Variants in SLC16A7 observed in about 807,000 individuals in gnomAD.
SLC16A7 encodes monocarboxylate transporter 2.
A neutral mutation model predicts 34.9 loss-of-function variants in SLC16A7; 33 were observed. The ratio of observed to expected loss-of-function variants is 0.94; its 90% confidence interval spans 0.72 to 1.26. SLC16A7 has a LOEUF of 1.26. SLC16A7 is among the 50% of genes most tolerant of loss of function. SLC16A7 has a pLI of 0.00. For synonymous variants in SLC16A7, 201 were observed against 206.6 expected (o/e 0.97, Z 0.23); for missense variants, 573 against 578.1 (o/e 0.99, Z 0.09).
In SLC16A7 at chr12:59,787,399, A is replaced by G. The variant is rs1027565684; in HGVS notation, c.*7720A>G. On this transcript the variant is annotated 3_prime_UTR_variant, in exon 6 of 6. Transcript: ENST00000547379. ...TTCTTCACCTAATAAACAATACTAA[A>G]ATCCATAACAGCTGTCTGGCAACAG... 1 of 152,190 alleles carries G rather than the reference A, an allele frequency of 6.6e-6. No homozygotes were observed. Among genetic ancestry groups the G allele is most frequent in the Non-Finnish European group, 1.5e-5 (1 of 68,040 alleles). 9.4% of individuals were successfully genotyped at this position (152,190 alleles called of 1,614,324 possible).
intron 3 of SLC16A7, chr12:59,769,250 G>T (rs1881986207): frequency 6.6e-6 from 1 of 152,042 alleles, no homozygotes; most frequent in Admixed American, 6.6e-5. Context: ...TATGCACTGA[G>T]AAACCAAAAA....
rs1429897213 is a variant in SLC16A7 at position 59,701,506 on chromosome 12, G to T, written c.-30-3266G>T. Among the ~76,000 whole-genome samples, 3 of 151,392 alleles carry T rather than the reference G, an allele frequency of 2.0e-5. No individual in the cohort carries two copies. The Admixed American group carries it at 2.0e-4, about 10-fold the overall frequency. On this transcript the variant is annotated intron_variant, in intron 2 of 5. Transcript: ENST00000547379. ...CATTCTGTCTTCTATTTTATTCTTT[G>T]TATAGGAGCAAACCAAGTAGAATGC...
At chr12:59,662,854 A>AT (rs1455108772) in intron 2 of SLC16A7, among the ~76,000 whole-genome samples, 1 of 152,122 alleles carries the variant, frequency 6.6e-6, no homozygotes, top group Admixed American at 6.6e-5. Flanking sequence ...GTGAATTTTA[A>AT]TTTTTTGTAT....
rs114785813 is a variant in SLC16A7, at chr12:59,748,410, A to G, written c.218-22809A>G. ...TCTCCTGTTGCTACTGTGCTGGGCT[A>G]AAGTGTTGTGTCATGCCTAAAACAT... On this transcript the variant is annotated intron_variant, in intron 3 of 5. Coordinates refer to ENST00000547379, the MANE Select transcript of SLC16A7 (RefSeq NM_001270623.2). 6.7e-3 allele frequency among the ~76,000 whole-genome samples: 1,015 copies of G among 152,294 alleles called. 14 individuals carry two copies. Among genetic ancestry groups the G allele is most frequent in the African/African-American group, 0.024 (979 of 41,556 alleles).
chr12:59,731,107 T>C (rs1329145357), intron 3 of SLC16A7, among the ~76,000 whole-genome samples: 1 of 152,198 alleles, frequency 6.6e-6, no homozygotes, highest in Non-Finnish European at 1.5e-5. Flanking sequence ...TGGTAAATAT[T>C]GTATACTGCT....
intron 1 of SLC16A7, among the ~76,000 whole-genome samples, chr12:59,627,895 A>AATAT (rs201420166): frequency 6.7e-6 from 1 of 149,372 alleles, no homozygotes; most frequent in South Asian, 2.1e-4. Context: ...AGACTATATA[A>AATAT]ATATATATAT....
chr12:59,664,150 A>T (rs1869008758), intron 2 of SLC16A7, among the ~76,000 whole-genome samples: 2 of 152,114 alleles, frequency 1.3e-5, no homozygotes. Context: ...TCCCCATAGG[A>T]AAATATTTAT....
In SLC16A7 at chr12:59,789,276, A is replaced by G. The variant is rs1228080126; in HGVS notation, c.*9597A>G. 2.6e-5 allele frequency: 4 copies of G among 152,118 alleles called. No homozygotes were observed. Among genetic ancestry groups the G allele is most frequent in the Admixed American group, 6.6e-5 (1 of 15,262 alleles). 9.4% of individuals were successfully genotyped at this position (152,118 alleles called of 1,614,324 possible). On this transcript the variant is annotated 3_prime_UTR_variant, in exon 6 of 6. Coordinates refer to ENST00000547379, the MANE Select transcript of SLC16A7 (RefSeq NM_001270623.2). The stretch of plus-strand genomic sequence containing the variant: ...TGCAGGCTGAATGTATATTACAGTA[A>G]TTCTCTGGCTAATTTTAAAAGTAAG...
intron 1 of SLC16A7, among the ~76,000 whole-genome samples, chr12:59,630,643 C>T (rs955057746): frequency 6.6e-6 from 1 of 151,780 alleles, no homozygotes; most frequent in Non-Finnish European, 1.5e-5. Flanking sequence ...ATGAGAAAAC[C>T]TATCGTAGTA....
Position 59,771,266 on chromosome 12 carries a change from G to C in SLC16A7, c.265G>C (p.Val89Leu). Reference protein sequence around the residue: ...LVNKYGSRPVVIAGGLLCCLG... With the variant: ...LVNKYGSRPVLIAGGLLCCLG... ...GAATAAATACGGCAGCCGGCCGGTG[G>C]TGATAGCAGGAGGCTTATTATGCTG... The change falls in exon 4 of 6, where the codon GTG becomes CTG. Residue 89 changes from valine to leucine, a missense_variant. Physicochemically the swap from Val to Leu is conservative, Grantham distance 32. Transcript: ENST00000547379. 2 of 1,613,480 alleles carry C rather than the reference G, an allele frequency of 1.2e-6. No individual in the cohort carries two copies. The highest frequency in any genetic ancestry group is 1.7e-6 in the Non-Finnish European group (2 of 1,179,630).
At chr12:59,632,714 G>A (rs1027663368) in intron 1 of SLC16A7, among the ~76,000 whole-genome samples, 5 of 151,928 alleles carry the variant, frequency 3.3e-5, no homozygotes, top group Non-Finnish European at 7.4e-5. Flanking sequence ...TATCACCCCC[G>A]GTTAAGGTGA....
chr12:59,714,092 A>G (rs948225320), intron 3 of SLC16A7, among the ~76,000 whole-genome samples: 3 of 152,240 alleles, frequency 2.0e-5, no homozygotes, highest in African/African-American at 7.2e-5. Context: ...ATAAGGAGGC[A>G]GCGTTAGTCA....
intron 2 of SLC16A7, among the ~76,000 whole-genome samples, chr12:59,680,824 A>G (rs1316253764): frequency 6.6e-6 from 1 of 152,196 alleles, no homozygotes. Flanking sequence ...TAATAATTGT[A>G]GTTCTTCTGG....
At chr12:59,778,121 A>G (rs891885634) in intron 5 of SLC16A7, among the ~76,000 whole-genome samples, 7 of 152,172 alleles carry the variant, frequency 4.6e-5, no homozygotes, top group Admixed American at 4.6e-4. Flanking sequence ...AATTCTTAAA[A>G]CATTTAGAAA....
intron 3 of SLC16A7, among the ~76,000 whole-genome samples, chr12:59,710,790 C>G (rs1380415440): frequency 6.6e-6 from 1 of 152,078 alleles, no homozygotes; most frequent in Non-Finnish European, 1.5e-5. Context: ...TTGTAAATGA[C>G]AGAAACCTGA....
intron 2 of SLC16A7, among the ~76,000 whole-genome samples, chr12:59,671,514 C>T (rs930049252): frequency 5.9e-5 from 9 of 151,824 alleles, no homozygotes; most frequent in Non-Finnish European, 1.2e-4. Context: ...CACAATTTTC[C>T]CAAGCAGTTT....
chr12:59,755,892 C>T lies in SLC16A7; in HGVS notation c.218-15327C>T, dbSNP rs1467990244. Among the ~76,000 whole-genome samples the T allele has an allele frequency of 2.6e-5, 4 of 152,310 alleles. No individual in the cohort carries two copies. In the East Asian group the frequency reaches 5.8e-4, roughly 22 times the overall value. On this transcript the variant is annotated intron_variant, in intron 3 of 5. Coordinates refer to ENST00000547379, the MANE Select transcript of SLC16A7 (RefSeq NM_001270623.2). ...CTACAGTCACCAAAACAGCATGGTACTGGTACCAAAACAGAGATATAGATC... is the reference window on the plus strand; with the variant it reads ...CTACAGTCACCAAAACAGCATGGTATTGGTACCAAAACAGAGATATAGATC...
chr12:59,659,607 T>G (rs894004507), intron 2 of SLC16A7, among the ~76,000 whole-genome samples: 1 of 152,116 alleles, frequency 6.6e-6, no homozygotes, highest in African/African-American at 2.4e-5. Context: ...CTAGCCCCTT[T>G]GATTCATCTA....
At position 59,665,598 on chromosome 12, in the gene SLC16A7, G is replaced by T. The variant is rs149604294; in HGVS notation, c.-31+10348G>T. 3.2e-3 allele frequency among the ~76,000 whole-genome samples: 487 copies of T among 152,068 alleles called. 1 individual carries two copies. Among genetic ancestry groups the T allele is most frequent in the Non-Finnish European group, 5.2e-3 (356 of 67,958 alleles). ...ATAATTATCTGTAATTAAAGACATT[G>T]CTCACTAAGTTTTAAAGTCTTCACA... is the stretch of plus-strand genomic sequence containing the variant. On this transcript the variant is annotated intron_variant, in intron 2 of 5. Transcript: ENST00000547379.
Sources: gnomAD v4.1 joint callset for allele counts (sites outside exome capture counted in the v4.1 genomes callset) on GRCh38, gnomAD v4.1.1 for gene constraint, MANE v1.5 for transcripts, NCBI Gene and HGNC (gene_info 2026-07-23, HGNC 2026-07-21) for gene names.